DLGAP2: variants seen among roughly 807,000 people sequenced by gnomAD.
DLGAP2 encodes DLG associated protein 2.
A neutral mutation model predicts 100.3 loss-of-function variants in DLGAP2; 26 were observed. The observed-to-expected ratio is 0.26, with a 90% CI of 0.19 to 0.36. DLGAP2 has a LOEUF of 0.36. DLGAP2 is among the 10% of genes least tolerant of loss of function. The pLI, the probability that DLGAP2 is intolerant of heterozygous loss-of-function variation, is 1.00. For synonymous variants in DLGAP2, 886 were observed against 630.1 expected (o/e 1.41, Z -6.08); for missense variants, 1,858 against 1,453.2 (o/e 1.28, Z -4.53).
chr8:1,224,821 C>T (rs1004029706), intron 2 of DLGAP2, among the ~76,000 whole-genome samples: 3 of 152,280 alleles, frequency 2.0e-5, no homozygotes, highest in Middle Eastern at 3.4e-3. Flanking sequence ...GGTCAACAAG[C>T]ACGTGATAAG....
At chr8:1,490,192 A>AT (rs896147767) in intron 3 of DLGAP2, among the ~76,000 whole-genome samples, 26 of 152,204 alleles carry the variant, frequency 1.7e-4, no homozygotes, top group African/African-American at 6.3e-4. Context: ...GCCCGGCTTC[A>AT]TTTTTTTTGA....
chr8:1,597,948 G>T (rs1357996039), intron 6 of DLGAP2, among the ~76,000 whole-genome samples: 1 of 152,184 alleles, frequency 6.6e-6, no homozygotes, highest in Non-Finnish European at 1.5e-5. Flanking sequence ...TCTTGTGCCA[G>T]TTTTCAAAGG....
rs557442930 is a variant in DLGAP2 at position 1,153,965 on chromosome 8, T to C, written c.74-104886T>C. Among the ~76,000 whole-genome samples the C allele has an allele frequency of 1.9e-3, 290 of 152,302 alleles. 2 individuals carry two copies. In the South Asian group the frequency reaches 0.021, roughly 11 times the overall value. On this transcript the variant is annotated intron_variant, in intron 2 of 14. Coordinates refer to ENST00000637795, the MANE Select transcript of DLGAP2 (RefSeq NM_001346810.2). ...CTAGGGGGTTTCATGTTTGCAGTGA[T>C]CTTATTTTTCAGTAATTTTCTTTTC...
intron 1 of DLGAP2, among the ~76,000 whole-genome samples, chr8:872,709 C>T (rs1045703984): frequency 1.3e-4 from 20 of 152,150 alleles, no homozygotes; most frequent in Non-Finnish European, 2.1e-4. Context: ...GTGTACAATC[C>T]GCTGGCTTTT....
At chr8:1,203,842 GC>G (rs1243376369) in intron 2 of DLGAP2, among the ~76,000 whole-genome samples, 3 of 152,176 alleles carry the variant, frequency 2.0e-5, no homozygotes, top group Non-Finnish European at 4.4e-5. Flanking sequence ...CAGTCAGGGG[GC>G]TGGATGAAGG....
At chr8:1,292,154 G>T (rs768833671) in intron 3 of DLGAP2, among the ~76,000 whole-genome samples, 1 of 152,200 alleles carries the variant, frequency 6.6e-6, no homozygotes, top group Non-Finnish European at 1.5e-5. Flanking sequence ...CTCCAGAATC[G>T]CTGGCTTTGG....
chr8:1,231,432 T>A (rs1228604571), intron 2 of DLGAP2, among the ~76,000 whole-genome samples: 1 of 152,206 alleles, frequency 6.6e-6, no homozygotes, highest in African/African-American at 2.4e-5. Context: ...AGTTTGGAGA[T>A]TTCTCAAAGA....
chr8:1,407,986 A>G (rs1012061090), intron 3 of DLGAP2, among the ~76,000 whole-genome samples: 5 of 152,222 alleles, frequency 3.3e-5, no homozygotes, highest in Non-Finnish European at 7.3e-5. Flanking sequence ...CCTGCACAGC[A>G]CAGCATGTTT....
intron 2 of DLGAP2, among the ~76,000 whole-genome samples, chr8:1,191,433 G>C (rs896841470): frequency 6.6e-6 from 1 of 152,182 alleles, no homozygotes; most frequent in African/African-American, 2.4e-5. Flanking sequence ...GCCTCCCAAA[G>C]TGCGGGGATT....
intron 2 of DLGAP2, chr8:1,248,629 G>A (rs1348897685): frequency 6.6e-6 from 1 of 152,092 alleles, no homozygotes; most frequent in Non-Finnish European, 1.5e-5. Flanking sequence ...TGGCCGGGAA[G>A]ACCTTTGAGA....
At chr8:1,010,498 C>T (rs1295637590) in intron 2 of DLGAP2, among the ~76,000 whole-genome samples, 1 of 152,224 alleles carries the variant, frequency 6.6e-6, no homozygotes, top group Admixed American at 6.5e-5. Flanking sequence ...TACACATTAC[C>T]CACATATGGG....
intron 1 of DLGAP2, among the ~76,000 whole-genome samples, chr8:836,902 C>A (rs1355831785): frequency 6.6e-6 from 1 of 152,250 alleles, no homozygotes; most frequent in Non-Finnish European, 1.5e-5. Context: ...CCTCGCGTGT[C>A]TCTGCCAGCG....
chr8:1,070,552 C>T (rs928375782), intron 2 of DLGAP2, among the ~76,000 whole-genome samples: 5 of 152,122 alleles, frequency 3.3e-5, no homozygotes, highest in South Asian at 4.1e-4. Context: ...GGGGCGATTT[C>T]GGCACTGTCC....
At chr8:1,370,864 T>C (rs1176781744) in intron 3 of DLGAP2, among the ~76,000 whole-genome samples, 1 of 152,212 alleles carries the variant, frequency 6.6e-6, no homozygotes, top group Non-Finnish European at 1.5e-5. Flanking sequence ...CACACAGGAC[T>C]GTTGTAAGGA....
Position 1,201,147 on chromosome 8 carries a change from C to G in DLGAP2, c.74-57704C>G, listed in dbSNP as rs76378560. Among the ~76,000 whole-genome samples, 1,039 of 152,282 alleles carry G rather than the reference C, an allele frequency of 6.8e-3. 8 individuals are homozygous for G. Among genetic ancestry groups the G allele is most frequent in the African/African-American group, 0.024 (987 of 41,578 alleles). ...CCGTGGGAGGAAGAGGAGGATGCCA[C>G]GGAGCCCTGTGGAGGCTGAAGCCGC... is the stretch of plus-strand genomic sequence containing the variant. On this transcript the variant is annotated intron_variant, in intron 2 of 14. Transcript: ENST00000637795.
chr8:803,666 G>C (rs1240925907), intron 1 of DLGAP2, among the ~76,000 whole-genome samples: 1 of 152,212 alleles, frequency 6.6e-6, no homozygotes, highest in African/African-American at 2.4e-5. Context: ...TAGAAGCAGG[G>C]CTGCCTCAAT....
At chr8:794,004 G>C (rs530642295) in intron 1 of DLGAP2, among the ~76,000 whole-genome samples, 1 of 152,300 alleles carries the variant, frequency 6.6e-6, no homozygotes, top group East Asian at 1.9e-4. Flanking sequence ...CCTGTGGGTG[G>C]GGGGTGTTTC....
At chr8:910,969 C>T (rs1196008923) in intron 2 of DLGAP2, among the ~76,000 whole-genome samples, 3 of 152,124 alleles carry the variant, frequency 2.0e-5, no homozygotes, top group Non-Finnish European at 2.9e-5. Flanking sequence ...TGGTGGAACT[C>T]AAGGCATCGT....
At chr8:917,938 C>T (rs964610387) in intron 2 of DLGAP2, among the ~76,000 whole-genome samples, 1 of 152,140 alleles carries the variant, frequency 6.6e-6, no homozygotes, top group Non-Finnish European at 1.5e-5. Flanking sequence ...AGCTGGATGA[C>T]AATGAGACTG....
Sources: allele counts gnomAD v4.1 joint callset (sites outside exome capture counted in the v4.1 genomes callset), GRCh38; gene constraint gnomAD v4.1.1; transcripts MANE v1.5; gene names NCBI Gene and HGNC (gene_info 2026-07-23, HGNC 2026-07-21).